ADGRD1: variants seen among roughly 807,000 people sequenced by gnomAD.
ADGRD1 encodes the protein adhesion G protein-coupled receptor D1, also known as G-protein coupled receptor 133.
ADGRD1 carries 77 observed loss-of-function variants against 113.4 expected under a neutral mutation model. The observed-to-expected ratio is 0.68, with a 90% CI of 0.57 to 0.82. The LOEUF (loss-of-function observed/expected upper bound fraction) is 0.82. Ranked by LOEUF, ADGRD1 falls within the 40% of genes least tolerant of loss-of-function variation. The pLI is 0.00. For synonymous variants in ADGRD1, 474 were observed against 475.0 expected, an observed-to-expected ratio of 1.00 and a Z score of 0.03; for missense variants, 1,036 against 1,139.1, an observed-to-expected ratio of 0.91 and a Z score of 1.30.
chr12:131,110,986 G>A lies in ADGRD1; in HGVS notation c.2041+2109G>A, dbSNP rs529803919. ...TAATAAGTCAAAACTTAATCTTACT[G>A]GGGTCCCTTGTATTTGAAGAATTGT... On this transcript the variant is annotated intron_variant, in intron 18 of 24. Transcript: ENST00000261654. Among the ~76,000 whole-genome samples the A allele has an allele frequency of 3.4e-4, 51 of 152,172 alleles. No individual in the cohort carries two copies. In the South Asian group the frequency reaches 0.011, roughly 32 times the overall value.
intron 4 of ADGRD1, chr12:130,977,721 A>G (rs1370513958): frequency 6.6e-6 from 1 of 152,348 alleles, no homozygotes; most frequent in Non-Finnish European, 1.5e-5. Context: ...TGATAGGCCC[A>G]GCCCGAGTCA....
At chr12:131,099,759 C>A (rs1247061728) in intron 15 of ADGRD1, among the ~76,000 whole-genome samples, 1 of 152,168 alleles carries the variant, frequency 6.6e-6, no homozygotes, top group Non-Finnish European at 1.5e-5. Flanking sequence ...ACCATGTGAC[C>A]CTCCAATATG....
At chr12:130,969,412 T>TGA in intron 3 of ADGRD1, 1 of 242,928 alleles carries the variant, frequency 4.1e-6, no homozygotes. Flanking sequence ...ATCGCTCACA[T>TGA]TACCGCCCGA....
chr12:131,095,706 C>T (rs1358356142), intron 15 of ADGRD1, among the ~76,000 whole-genome samples: 1 of 152,204 alleles, frequency 6.6e-6, no homozygotes, highest in East Asian at 1.9e-4. Context: ...CAGGGCTTGA[C>T]GTCTGAAGCA....
intron 13 of ADGRD1, among the ~76,000 whole-genome samples, chr12:131,061,995 G>A (rs555814452): frequency 6.6e-6 from 1 of 152,292 alleles, no homozygotes; most frequent in Admixed American, 6.5e-5. Context: ...ATGGAATGGA[G>A]GAACCACAGT....
intron 15 of ADGRD1, among the ~76,000 whole-genome samples, chr12:131,088,617 G>T (rs901795901): frequency 6.6e-6 from 1 of 152,132 alleles, no homozygotes; most frequent in East Asian, 1.9e-4. Context: ...GGTGGTCCTC[G>T]GGGAAACGCC....
intron 17 of ADGRD1, among the ~76,000 whole-genome samples, chr12:131,107,514 G>T (rs1950261704): frequency 6.6e-6 from 1 of 150,804 alleles, no homozygotes; most frequent in Non-Finnish European, 1.5e-5. Flanking sequence ...TCCCAGGGAA[G>T]GGCTCTGATG....
At chr12:131,112,525 GTGT>G (rs1330591774) in intron 18 of ADGRD1, among the ~76,000 whole-genome samples, 1 of 152,192 alleles carries the variant, frequency 6.6e-6, no homozygotes, top group Admixed American at 6.5e-5. Context: ...GTTTATCTTG[GTGT>G]TGTCGCGGAG....
intron 8 of ADGRD1, among the ~76,000 whole-genome samples, chr12:130,994,507 C>T (rs533857651): frequency 6.0e-4 from 91 of 152,304 alleles, no homozygotes; most frequent in Admixed American, 1.0e-3. Flanking sequence ...TGGGCACGGG[C>T]GCCCTCCCGT....
intron 13 of ADGRD1, among the ~76,000 whole-genome samples, chr12:131,046,708 T>G (rs1235143952): frequency 7.5e-6 from 1 of 134,174 alleles, no homozygotes; most frequent in East Asian, 2.4e-4. Context: ...TCCTCCCTGG[T>G]GAGTGCTCCC....
chr12:131,028,867 T>C (rs1179036534), intron 13 of ADGRD1, among the ~76,000 whole-genome samples: 1 of 152,234 alleles, frequency 6.6e-6, no homozygotes, highest in East Asian at 1.9e-4. Context: ...CAGCTTGTTA[T>C]TCCAGGCGGC....
intron 8 of ADGRD1, among the ~76,000 whole-genome samples, chr12:130,997,435 T>G (rs1355552056): frequency 7.0e-6 from 1 of 142,788 alleles, no homozygotes; most frequent in African/African-American, 2.7e-5. Flanking sequence ...GAGGGGCTCC[T>G]CACTTCTCAG....
intron 13 of ADGRD1, among the ~76,000 whole-genome samples, chr12:131,019,554 A>C (rs910759946): frequency 6.6e-6 from 1 of 152,260 alleles, no homozygotes; most frequent in South Asian, 2.1e-4. Context: ...GCAAGGAATG[A>C]GCGAAGCAGA....
chr12:131,109,137 C>T (rs570109741), intron 18 of ADGRD1, among the ~76,000 whole-genome samples: 4 of 152,264 alleles, frequency 2.6e-5, no homozygotes, highest in African/African-American at 9.6e-5. Context: ...GGCAAAAAGT[C>T]CCCATCACTT....
At chr12:131,023,470 T>TGC (rs71972088) in intron 13 of ADGRD1, 1 of 151,080 alleles carries the variant, frequency 6.6e-6, no homozygotes, top group African/African-American at 2.4e-5. Flanking sequence ...GTCCCATTCG[T>TGC]GTGTGTGTGT....
chr12:130,959,450 A>C (rs1025860420), intron 2 of ADGRD1, among the ~76,000 whole-genome samples: 1 of 152,164 alleles, frequency 6.6e-6, no homozygotes, highest in Non-Finnish European at 1.5e-5. Flanking sequence ...GCATGCCTCT[A>C]GTCCCAGCTA....
chr12:130,994,123 G>C (rs1268610492), intron 8 of ADGRD1: 1 of 313,576 alleles, frequency 3.2e-6, no homozygotes, highest in Non-Finnish European at 6.7e-6. Context: ...GGCCAAGGCT[G>C]CCCAGTGTGG....
chr12:131,120,592 A>T (rs1357247098), intron 19 of ADGRD1: 7 of 581,716 alleles, frequency 1.2e-5, no homozygotes, highest in Non-Finnish European at 3.1e-6. Context: ...AATGAAATTG[A>T]AATCTATTCT....
intron 17 of ADGRD1, among the ~76,000 whole-genome samples, chr12:131,108,136 C>T (rs1950273350): frequency 1.3e-5 from 2 of 152,228 alleles, no homozygotes; most frequent in South Asian, 4.1e-4. Flanking sequence ...CCTTTCTGTC[C>T]CTGAGCCCTA....
Sources: allele counts gnomAD v4.1 joint callset (sites outside exome capture counted in the v4.1 genomes callset), GRCh38; gene constraint gnomAD v4.1.1; transcripts MANE v1.5; gene names NCBI Gene and HGNC (gene_info 2026-07-23, HGNC 2026-07-21).